TPCN2: variants seen among roughly 807,000 people sequenced by gnomAD.
TPCN2 encodes two pore channel protein 2.
A neutral mutation model predicts 111.4 loss-of-function variants in TPCN2; 92 were observed. The observed-to-expected ratio is 0.83, with a 90% CI of 0.70 to 0.98. TPCN2 has a LOEUF of 0.98. Ranked by LOEUF, TPCN2 falls within the 50% of genes least tolerant of loss-of-function variation. The pLI, the probability that TPCN2 is intolerant of heterozygous loss-of-function variation, is 0.00. For missense variants in TPCN2, 995 were observed against 980.1 expected (o/e 1.02, Z -0.20); for synonymous variants, 405 against 414.5 (o/e 0.98, Z 0.28).
At chr11:69,076,348 T>TGCCAGTGTGG (rs1855750061) in intron 13 of TPCN2, among the ~76,000 whole-genome samples, 1 of 152,106 alleles carries the variant, frequency 6.6e-6, no homozygotes, top group South Asian at 2.1e-4. Context: ...GGGAATTCGG[T>TGCCAGTGTGG]GCCAGTGTGG....
chr11:69,048,933 C>A lies in TPCN2; in HGVS notation c.-65C>A. On this transcript the variant is annotated 5_prime_UTR_variant, in exon 1 of 25. Coordinates refer to ENST00000294309, the MANE Select transcript of TPCN2 (RefSeq NM_139075.4). ...CAGGGACGGGGTCTCCGCGCCTGCG[C>A]AGTGAAGCTGGGCGCCTTCGGGGCT... 1 of 1,076,648 alleles carries A rather than the reference C, an allele frequency of 9.3e-7. No individual in the cohort carries two copies. The allele number at this position is 1,076,648 out of a possible 1,614,324, so 66.7% of individuals were successfully genotyped here. A position where few individuals can be genotyped will look rare whatever the true frequency, so the allele number is the denominator to read the frequency against.
intron 19 of TPCN2, among the ~76,000 whole-genome samples, chr11:69,084,259 C>T (rs1225318625): frequency 6.6e-6 from 1 of 152,168 alleles, no homozygotes; most frequent in African/African-American, 2.4e-5. Context: ...GCATCCTTCC[C>T]TCCCATGGCA....
At position 69,067,502 on chromosome 11, in the gene TPCN2, G is replaced by A. The variant is rs376864096; in HGVS notation, c.727-1G>A. The A allele has an allele frequency of 1.7e-5, 27 of 1,612,890 alleles. No individual in the cohort carries two copies. Among genetic ancestry groups the A allele is most frequent in the Non-Finnish European group, 2.2e-5 (26 of 1,179,864 alleles). The stretch of plus-strand genomic sequence containing the variant: ...CCTGGAGCTGCCGCTTCTGCTCTTA[G>A]CAGGATGATGGGCAGGACAGGGAGA... On this transcript the variant is annotated splice_acceptor_variant, in intron 7 of 24. Coordinates refer to ENST00000294309, the MANE Select transcript of TPCN2 (RefSeq NM_139075.4). LOFTEE classifies it high-confidence loss of function.
At position 69,089,409 on chromosome 11, in the gene TPCN2, G is replaced by A. The variant is rs541206965; in HGVS notation, c.*1456G>A. The A allele has an allele frequency of 5.6e-4, 85 of 152,406 alleles. No individual in the cohort carries two copies. Among genetic ancestry groups the A allele is most frequent in the African/African-American group, 2.0e-3 (83 of 41,598 alleles). The allele number at this position is 152,406 out of a possible 1,614,324, so 9.4% of individuals were successfully genotyped here. On this transcript the variant is annotated 3_prime_UTR_variant, in exon 25 of 25. Coordinates refer to ENST00000294309, the MANE Select transcript of TPCN2 (RefSeq NM_139075.4). The stretch of plus-strand genomic sequence containing the variant: ...CGTCCAACCCGCATTCATGTCAGGA[G>A]TGAGTCGCACGTGGCTTTGTGGTCA...
chr11:69,064,074 C>A, intron 7 of TPCN2, 107 bp downstream of exon 7: 1 of 1,112,214 alleles, frequency 9.0e-7, no homozygotes, highest in Non-Finnish European at 1.3e-6. Flanking sequence ...TGTGCGGACT[C>A]TGTCCAGTAA....
At chr11:69,072,169 C>T (rs1855563807) in intron 11 of TPCN2, 146 bp downstream of exon 11, 1 of 672,508 alleles carries the variant, frequency 1.5e-6, no homozygotes, top group Non-Finnish European at 2.5e-6. Flanking sequence ...ACCACCATGT[C>T]CCTGGCGCTC....
At chr11:69,080,794 T>C (rs754887516) in intron 17 of TPCN2, among the ~76,000 whole-genome samples, 53 of 152,356 alleles carry the variant, frequency 3.5e-4, no homozygotes, top group Non-Finnish European at 5.9e-4. Context: ...GTCTTTCATG[T>C]GCACTGAGCA....
At chr11:69,061,296 C>T (rs947614677) in intron 5 of TPCN2, among the ~76,000 whole-genome samples, 1 of 152,098 alleles carries the variant, frequency 6.6e-6, no homozygotes, top group African/African-American at 2.4e-5. Flanking sequence ...CCTGTGAGGT[C>T]TGGGAAGGGG....
chr11:69,049,201 C>T, intron 1 of TPCN2, 95 bp downstream of exon 1: 3 of 857,038 alleles, frequency 3.5e-6, no homozygotes, highest in South Asian at 5.9e-5. Flanking sequence ...CTGCCGGGCG[C>T]GCCCCCACCA....
chr11:69,083,408 G>A (rs932506792), intron 18 of TPCN2: 8 of 160,188 alleles, frequency 5.0e-5, no homozygotes, highest in Non-Finnish European at 8.3e-5. Flanking sequence ...CCTTTCTCCC[G>A]GCTAGGCTGT....
chr11:69,079,915 C>T (rs1402812428), intron 17 of TPCN2, 32 bp downstream of exon 17: 1 of 1,610,102 alleles, frequency 6.2e-7, no homozygotes, highest in Non-Finnish European at 8.5e-7. Flanking sequence ...AGGGCGGCTA[C>T]AGCAAACAGC....
Position 69,071,936 on chromosome 11 carries a change from C to G in TPCN2, c.974C>G (p.Thr325Ser). ...FRGYLMKSLQ[T>S]SLFRRRLGTR... ...TCCTCTTTGCAGAAATCTCTCCAGA[C>G]CTCGCTGTTTCGGAGGCGGCTGGGA... Residue 325 changes from threonine (T) to serine (S), a missense_variant, in exon 11 of 25, where the codon ACC (threonine) becomes AGC (serine). By Grantham distance (58) the Thr-to-Ser change is moderately conservative. Coordinates refer to ENST00000294309, the MANE Select transcript of TPCN2 (RefSeq NM_139075.4). 6.2e-7 allele frequency: 1 copy of G among 1,614,016 alleles called. No homozygotes were observed. Among genetic ancestry groups the G allele is most frequent in the Non-Finnish European group, 8.5e-7 (1 of 1,179,978 alleles).
At chr11:69,068,159 C>T (rs556360980) in intron 8 of TPCN2, among the ~76,000 whole-genome samples, 1 of 152,336 alleles carries the variant, frequency 6.6e-6, no homozygotes, top group East Asian at 1.9e-4. Context: ...ATGGAGGCCA[C>T]GGTCCTGGGC....
chr11:69,080,698 C>T (rs777029516), intron 17 of TPCN2, among the ~76,000 whole-genome samples: 1 of 152,148 alleles, frequency 6.6e-6, no homozygotes, highest in Non-Finnish European at 1.5e-5. Context: ...CTTGCTATTC[C>T]GTCAGCTCCC....
intron 6 of TPCN2, 82 bp downstream of exon 6, chr11:69,063,072 C>T (rs1232671680): frequency 7.9e-7 from 1 of 1,263,028 alleles, no homozygotes. Context: ...GTGGGGCCCA[C>T]CGGAGTCTCA....
chr11:69,079,964 C>G, intron 17 of TPCN2, 81 bp downstream of exon 17: 1 of 1,378,622 alleles, frequency 7.3e-7, no homozygotes, highest in East Asian at 2.3e-5. Flanking sequence ...TCAGTGGTGT[C>G]CAGGGGGCTG....
Position 69,060,595 on chromosome 11 carries a change from C to T in TPCN2, c.547-2289C>T, listed in dbSNP as rs575643249. Among the ~76,000 whole-genome samples the T allele has an allele frequency of 3.9e-4, 59 of 152,286 alleles. 1 individual carries two copies. Among genetic ancestry groups the T allele is most frequent in the Admixed American group, 3.3e-3 (51 of 15,300 alleles). On this transcript the variant is annotated intron_variant, in intron 5 of 24. Transcript: ENST00000294309. ...TTGACTGGCATTGTGGTTGGTTGTC[C>T]TTGGAGGCTAGTCACCTGGATGTAC...
At chr11:69,084,767 G>A (rs894383486) in intron 19 of TPCN2, 25 of 985,432 alleles carry the variant, frequency 2.5e-5, no homozygotes, top group African/African-American at 3.5e-5. Flanking sequence ...GGAAATAGAC[G>A]CTGGGAAGAG....
intron 20 of TPCN2, 89 bp from the exon 21 acceptor site, chr11:69,085,582 G>A: frequency 1.1e-6 from 1 of 919,696 alleles, no homozygotes; most frequent in Non-Finnish European, 1.8e-6. Context: ...AGGCCAGGCT[G>A]AGCACGCCAG....
Sources: gnomAD v4.1 joint callset for allele counts (sites outside exome capture counted in the v4.1 genomes callset) on GRCh38, gnomAD v4.1.1 for gene constraint, MANE v1.5 for transcripts, NCBI Gene and HGNC (gene_info 2026-07-23, HGNC 2026-07-21) for gene names.